COPG2: variants seen among roughly 807,000 people sequenced by gnomAD.
The protein encoded by COPG2 is coat protein complex I subunit gamma 2.
In COPG2, 37 loss-of-function variants were observed where a neutral mutation model predicts 46.3. The observed-to-expected ratio is 0.80, with a 90% CI of 0.61 to 1.05. The LOEUF (loss-of-function observed/expected upper bound fraction) is 1.05, where lower values mean the gene tolerates loss of function less well. Among genes scored for constraint, COPG2 ranks in the 50% least tolerant of loss-of-function variants. COPG2 has a pLI of 0.00. For missense variants in COPG2, 427 were observed against 387.8 expected, an observed-to-expected ratio of 1.10 and a Z score of -0.85; for synonymous variants, 159 against 129.7, an observed-to-expected ratio of 1.23 and a Z score of -1.53.
intron 20 of COPG2, among the ~76,000 whole-genome samples, chr7:130,521,393 A>T (rs1799721985): frequency 6.6e-6 from 1 of 152,224 alleles, no homozygotes; most frequent in East Asian, 1.9e-4. Context: ...AGTTCAGCAC[A>T]GTATGCTGGA....
At chr7:130,645,645 T>G (rs1226855573) in intron 5 of COPG2, 1 of 160,002 alleles carries the variant, frequency 6.2e-6, no homozygotes, top group East Asian at 1.9e-4. Flanking sequence ...GAGATTTTTT[T>G]CAAGATTAGG....
At chr7:130,521,603 G>A (rs1357890190) in intron 20 of COPG2, among the ~76,000 whole-genome samples, 2 of 152,210 alleles carry the variant, frequency 1.3e-5, no homozygotes, top group African/African-American at 2.4e-5. Flanking sequence ...AAAGTCATGC[G>A]AGGATGACAT....
intron 6 of COPG2, among the ~76,000 whole-genome samples, chr7:130,615,032 CTTG>C (rs1313715383): frequency 1.3e-5 from 2 of 152,130 alleles, no homozygotes; most frequent in Non-Finnish European, 2.9e-5. Context: ...AGGAGGAAGA[CTTG>C]TTGTTCTTGG....
At chr7:130,666,993 C>A in intron 2 of COPG2, 64 bp from the exon 3 acceptor site, 1 of 831,202 alleles carries the variant, frequency 1.2e-6, no homozygotes, top group South Asian at 1.6e-5. Context: ...TATAGCAAAT[C>A]AACTTTAATA....
intron 5 of COPG2, among the ~76,000 whole-genome samples, chr7:130,633,114 T>A (rs1285991452): frequency 6.6e-6 from 1 of 152,194 alleles, no homozygotes; most frequent in Non-Finnish European, 1.5e-5. Context: ...ATGGTGTATA[T>A]GTGCCACATT....
At chr7:130,601,663 C>T (rs782268494) in intron 9 of COPG2, among the ~76,000 whole-genome samples, 5 of 152,108 alleles carry the variant, frequency 3.3e-5, no homozygotes, top group East Asian at 3.9e-4. Context: ...CGGGGCCTGT[C>T]GCGGGTGGGA....
At chr7:130,576,688 A>G (rs1427650529) in intron 9 of COPG2, among the ~76,000 whole-genome samples, 1 of 152,200 alleles carries the variant, frequency 6.6e-6, no homozygotes, top group Non-Finnish European at 1.5e-5. Flanking sequence ...GATACACCTC[A>G]AGGAACTAGA....
At chr7:130,668,235 G>T (rs1554461760) in intron 1 of COPG2, among the ~76,000 whole-genome samples, 1 of 151,998 alleles carries the variant, frequency 6.6e-6, no homozygotes, top group Non-Finnish European at 1.5e-5. Context: ...CTGTGCCGTC[G>T]ACCCCAGCCC....
At chr7:130,632,384 T>A (rs1444972060) in intron 5 of COPG2, among the ~76,000 whole-genome samples, 1 of 152,212 alleles carries the variant, frequency 6.6e-6, no homozygotes, top group African/African-American at 2.4e-5. Flanking sequence ...GTTTTCCTCA[T>A]CTTTGGTGTT....
chr7:130,580,166 A>G lies in COPG2; in HGVS notation c.738-15773T>C, dbSNP rs1342742259. On this transcript the variant is annotated intron_variant, in intron 9 of 23. Coordinates refer to ENST00000425248, the MANE Select transcript of COPG2 (RefSeq NM_012133.6). The stretch of plus-strand genomic sequence containing the variant: ...CTATCTCTCAGACCACAGTGCAATC[A>G]AACTAGAACTCAGGATTAAGAAACT... 3.3e-5 allele frequency among the ~76,000 whole-genome samples: 5 copies of G among 152,358 alleles called. No individual in the cohort carries two copies. In the East Asian group the frequency reaches 9.6e-4, roughly 29 times the overall value.
At chr7:130,513,627 A>G (rs1799647727) in intron 20 of COPG2, among the ~76,000 whole-genome samples, 1 of 152,072 alleles carries the variant, frequency 6.6e-6, no homozygotes, top group African/African-American at 2.4e-5. Flanking sequence ...TGAAGCAACA[A>G]GTGTGACCAA....
At chr7:130,523,133 A>AAAAAAAAAAAAG (rs1471558768) in intron 20 of COPG2, among the ~76,000 whole-genome samples, 1 of 149,724 alleles carries the variant, frequency 6.7e-6, no homozygotes, top group Admixed American at 6.6e-5. Context: ...AAAAAAAAAA[A>AAAAAAAAAAAAG]AGAAGGCTCC....
At chr7:130,569,302 C>T (rs36180429) in intron 9 of COPG2, among the ~76,000 whole-genome samples, 54,180 of 151,852 alleles carry the variant, frequency 0.36, 11,285 homozygotes, top group African/African-American at 0.58. Flanking sequence ...ACAAAATTGA[C>T]AGACCATTAC....
At chr7:130,538,155 A>G (rs1267123980) in intron 20 of COPG2, among the ~76,000 whole-genome samples, 2 of 152,236 alleles carry the variant, frequency 1.3e-5, no homozygotes, top group East Asian at 1.9e-4. Flanking sequence ...CCTGGCGGAG[A>G]CAGGGCACGC....
chr7:130,572,871 C>A (rs1178588226), intron 9 of COPG2, among the ~76,000 whole-genome samples: 1 of 151,518 alleles, frequency 6.6e-6, no homozygotes, highest in African/African-American at 2.4e-5. Context: ...GGTTAATTGA[C>A]TAGAACACAG....
At chr7:130,644,791 G>A (rs562770573) in intron 5 of COPG2, among the ~76,000 whole-genome samples, 1 of 152,320 alleles carries the variant, frequency 6.6e-6, no homozygotes, top group East Asian at 1.9e-4. Flanking sequence ...GCCGGGCGCA[G>A]TGGCTCACGC....
chr7:130,600,608 T>C (rs1265694013), intron 9 of COPG2, among the ~76,000 whole-genome samples: 1 of 152,174 alleles, frequency 6.6e-6, no homozygotes, highest in East Asian at 1.9e-4. Flanking sequence ...CTATTTTGGC[T>C]TATATTAATA....
chr7:130,632,609 C>A (rs1359745868), intron 5 of COPG2, among the ~76,000 whole-genome samples: 1 of 152,044 alleles, frequency 6.6e-6, no homozygotes. Flanking sequence ...GTCTCACAGG[C>A]CAGTGAGGCT....
intron 5 of COPG2, among the ~76,000 whole-genome samples, chr7:130,648,183 T>A (rs375714504): frequency 3.0e-4 from 45 of 152,314 alleles, no homozygotes; most frequent in African/African-American, 9.1e-4. Flanking sequence ...AAATTTTCTA[T>A]GCATACAGAA....
Sources: gnomAD v4.1 joint callset for allele counts (sites outside exome capture counted in the v4.1 genomes callset) on GRCh38, gnomAD v4.1.1 for gene constraint, MANE v1.5 for transcripts, NCBI Gene and HGNC (gene_info 2026-07-23, HGNC 2026-07-21) for gene names.